Variants in SLC66A1 observed in about 807,000 individuals in gnomAD.
SLC66A1 encodes lysosomal amino acid transporter 1 homolog.
SLC66A1 carries 23 observed loss-of-function variants against 33.0 expected under a neutral mutation model. That is an observed-to-expected ratio of 0.70 (90% CI 0.50 to 0.99). The LOEUF is 0.99. SLC66A1 is among the 50% of genes least tolerant of loss of function. The pLI is 0.00. For missense variants in SLC66A1, 335 were observed against 383.6 expected (o/e 0.87, Z 1.06); for synonymous variants, 164 against 175.5 (o/e 0.93, Z 0.52).
Position 19,326,294 on chromosome 1 carries a change from C to T in SLC66A1, c.432C>T (p.Cys144=), listed in dbSNP as rs751998166. ...SVLLFLMGMA[C]ATPLLSAAGP... Reference sequence around the variant, plus strand: ...TGTTGTTCCTCATGGGGATGGCGTGCGCCACACCGCTGCTGAGTGCTGCTG... The same window carrying T: ...TGTTGTTCCTCATGGGGATGGCGTGTGCCACACCGCTGCTGAGTGCTGCTG... Residue 144 remains cysteine, a synonymous_variant, in exon 5 of 8, where the codon TGC becomes TGT. Coordinates refer to ENST00000375153, the MANE Select transcript of SLC66A1 (RefSeq NM_001040125.2). 36 of 1,606,684 alleles carry T rather than the reference C, an allele frequency of 2.2e-5. No individual in the cohort carries two copies. The highest frequency in any genetic ancestry group is 6.6e-5 in the South Asian group (6 of 91,038).
chr1:19,327,545 C>CTCCCTCCCTCCG, intron 7 of SLC66A1, 133 bp downstream of exon 7: 1 of 1,042,492 alleles, frequency 9.6e-7, no homozygotes, highest in Non-Finnish European at 1.5e-6. Context: ...CCCTCCCTCC[C>CTCCCTCCCTCCG]TCCCTCCCTC....
At chr1:19,318,612 A>T (rs902360033) in intron 2 of SLC66A1, among the ~76,000 whole-genome samples, 2 of 152,190 alleles carry the variant, frequency 1.3e-5, no homozygotes, top group South Asian at 4.1e-4. Context: ...CAGAAGAGGG[A>T]CACCCACCTG....
chr1:19,317,385 A>G (rs768446010), intron 1 of SLC66A1, among the ~76,000 whole-genome samples: 1 of 152,146 alleles, frequency 6.6e-6, no homozygotes, highest in Non-Finnish European at 1.5e-5. Flanking sequence ...CAGATCCAGC[A>G]CGCTGCCTGC....
At position 19,328,494 on chromosome 1, in the gene SLC66A1, C is replaced by T; in HGVS notation, c.805-78C>T. ...TGGGAGGGAGGGGAGAGGGAGGCAG[C>T]TCCCAGGAGTCGAAGGCCCCCAGGG... On this transcript the variant is annotated intron_variant, in intron 7 of 7. Coordinates refer to ENST00000375153, the MANE Select transcript of SLC66A1 (RefSeq NM_001040125.2). The surrounding 1 kb of genome is among the most constrained non-coding windows in gnomAD (Gnocchi z 4.7). The T allele has an allele frequency of 7.3e-7, 1 of 1,362,330 alleles. No individual in the cohort carries two copies. The highest frequency in any genetic ancestry group is 1.0e-6 in the Non-Finnish European group (1 of 977,556). The allele number at this position is 1,362,330 out of a possible 1,614,324, so 84.4% of individuals were successfully genotyped here.
At chr1:19,316,892 G>A (rs1406874310) in intron 1 of SLC66A1, among the ~76,000 whole-genome samples, 1 of 146,192 alleles carries the variant, frequency 6.8e-6, no homozygotes, top group Non-Finnish European at 1.5e-5. Flanking sequence ...TTTTTTTAGA[G>A]GGAGTCTTGC....
At chr1:19,333,484 G>A (rs779257771), downstream of SLC66A1, among the ~76,000 whole-genome samples, 1 of 152,072 alleles carries the variant, frequency 6.6e-6, no homozygotes, top group Non-Finnish European at 1.5e-5. This position sits in a 1 kb window ranked among gnomAD's most constrained non-coding sequence, Gnocchi z 4.2. Flanking sequence ...CAGCCAAGAC[G>A]ACATGGCCTT....
chr1:19,318,078 A>T (rs751285685), intron 2 of SLC66A1, among the ~76,000 whole-genome samples: 14 of 152,166 alleles, frequency 9.2e-5, no homozygotes, highest in Non-Finnish European at 1.6e-4. Flanking sequence ...CCCACCATAT[A>T]CCTGGCTTGC....
chr1:19,322,306 G>T (rs2093842012), intron 2 of SLC66A1, among the ~76,000 whole-genome samples: 1 of 152,144 alleles, frequency 6.6e-6, no homozygotes, highest in Non-Finnish European at 1.5e-5. Context: ...TTCTGCCTGG[G>T]CTGGTTGATT....
chr1:19,313,094 C>A, intron 1 of SLC66A1: 1 of 605,976 alleles, frequency 1.7e-6, no homozygotes, highest in Non-Finnish European at 2.1e-6. Context: ...ATCGCTTGGC[C>A]TGGATTGTCT....
intron 2 of SLC66A1, among the ~76,000 whole-genome samples, chr1:19,323,511 A>G (rs2093847968): frequency 6.6e-6 from 1 of 152,008 alleles, no homozygotes; most frequent in Admixed American, 6.6e-5. Flanking sequence ...GCTTCAAGCA[A>G]TTCTCATCCC....
chr1:19,317,115 G>A (rs2093810367), intron 1 of SLC66A1, among the ~76,000 whole-genome samples: 1 of 151,936 alleles, frequency 6.6e-6, no homozygotes, highest in South Asian at 2.1e-4. Flanking sequence ...CAGATCCTTA[G>A]AGAGTAATTT....
intron 3 of SLC66A1, 24 bp from the exon 4 acceptor site, chr1:19,325,471 C>T (rs1442347941): frequency 5.2e-6 from 8 of 1,553,008 alleles, no homozygotes; most frequent in Non-Finnish European, 7.1e-6. Context: ...GCGCCAACCC[C>T]TGGGCCCCCT....
intron 1 of SLC66A1, among the ~76,000 whole-genome samples, chr1:19,316,489 C>T (rs1174722897): frequency 2.0e-5 from 3 of 151,512 alleles, no homozygotes; most frequent in Non-Finnish European, 4.4e-5. Flanking sequence ...TGGGCTCAAG[C>T]GATTCTTCCA....
intron 1 of SLC66A1, among the ~76,000 whole-genome samples, chr1:19,315,617 C>G (rs980290923): frequency 2.0e-5 from 3 of 152,192 alleles, no homozygotes; most frequent in Admixed American, 6.5e-5. Flanking sequence ...CTAGAGACAG[C>G]CCCCACCTGG....
chr1:19,323,830 G>A (rs999599174), intron 2 of SLC66A1, among the ~76,000 whole-genome samples: 1 of 152,218 alleles, frequency 6.6e-6, no homozygotes, highest in Non-Finnish European at 1.5e-5. Flanking sequence ...TCAGGTAGGG[G>A]TTGAATCCGA....
chr1:19,320,862 C>T (rs1368900719), intron 2 of SLC66A1, among the ~76,000 whole-genome samples: 1 of 149,228 alleles, frequency 6.7e-6, no homozygotes, highest in Admixed American at 6.6e-5. Context: ...ACAGGCGCCT[C>T]CCACCACACT....
chr1:19,315,719 T>TCTCTCTCCCTCC (rs1163944659), intron 1 of SLC66A1, among the ~76,000 whole-genome samples: 1 of 152,156 alleles, frequency 6.6e-6, no homozygotes, highest in African/African-American at 2.4e-5. Context: ...TCTCTGTCTC[T>TCTCTCTCCCTCC]CTCTCTCCCT....
chr1:19,326,594 C>T lies in SLC66A1; in HGVS notation c.589C>T (p.Leu197Phe). 2 of 1,614,240 alleles carry T rather than the reference C, an allele frequency of 1.2e-6. No individual in the cohort carries two copies. The highest frequency in any genetic ancestry group is 1.7e-5 in the Admixed American group (1 of 60,030). ...IGSISSVLYL[L>F]SRLPQIRTNF... ...CTCCATCTCCAGCGTGTTGTACCTG[C>T]TTTCCCGGCTGCCTCAGATCCGCAC... The change falls in exon 6 of 8, where the codon CTT becomes TTT. Residue 197 changes from leucine to phenylalanine, a missense_variant. By Grantham distance (22) the Leu-to-Phe change is conservative (BLOSUM62 0). Coordinates refer to ENST00000375153, the MANE Select transcript of SLC66A1 (RefSeq NM_001040125.2).
At chr1:19,322,978 C>G (rs1479881159) in intron 2 of SLC66A1, among the ~76,000 whole-genome samples, 1 of 151,824 alleles carries the variant, frequency 6.6e-6, no homozygotes, top group Admixed American at 6.6e-5. Context: ...ACCTCTTGGG[C>G]TCAAGTGATC....
Sources: gnomAD v4.1 joint callset for allele counts (sites outside exome capture counted in the v4.1 genomes callset) on GRCh38, gnomAD v4.1.1 for gene constraint, Gnocchi (gnomAD v3.1) non-coding constraint, MANE v1.5 for transcripts, NCBI Gene and HGNC (gene_info 2026-07-23, HGNC 2026-07-21) for gene names.